Variants in CMYA5 observed in about 807,000 individuals in gnomAD.
The protein encoded by CMYA5 is cardiomyopathy associated 5.
In CMYA5, 246 loss-of-function variants were observed where a neutral mutation model predicts 318.9. That is an observed-to-expected ratio of 0.77 (90% confidence interval 0.70 to 0.86). The LOEUF (loss-of-function observed/expected upper bound fraction) is 0.86. CMYA5 is among the 40% of genes least tolerant of loss of function. The pLI, the probability that CMYA5 is intolerant of heterozygous loss-of-function variation, is 0.00. For missense variants in CMYA5, 4,589 were observed against 4,678.2 expected (o/e 0.98, Z 0.56); for synonymous variants, 1,641 against 1,729.5 (o/e 0.95, Z 1.27).
rs775923878 is a variant in CMYA5 at position 79,736,279 on chromosome 5, T to C, written c.7514T>C (p.Leu2505Pro). The C allele has an allele frequency of 1.2e-5, 20 of 1,613,054 alleles. No homozygotes were observed. Among genetic ancestry groups the C allele is most frequent in the South Asian group, 1.2e-4 (11 of 90,954 alleles). The change falls in exon 2 of 13, where the codon CTG (leucine) becomes CCG (proline). Residue 2505 changes from leucine to proline, a missense_variant. Leu to Pro is a moderately conservative substitution (Grantham distance 98). Transcript: ENST00000446378. ...QITLGSRSTELKESKADAMPQ... is the reference protein window; with the variant it reads ...QITLGSRSTEPKESKADAMPQ... Reference sequence around the variant, plus strand: ...ACACTTGGATCTAGATCTACTGAACTGAAAGAATCAAAAGCCGATGCTATG... The same window carrying C: ...ACACTTGGATCTAGATCTACTGAACCGAAAGAATCAAAAGCCGATGCTATG...
chr5:79,778,817 G>GTGTGTGTGTGTGTGTGTA (rs1828994803), intron 9 of CMYA5, among the ~76,000 whole-genome samples: 3 of 112,892 alleles, frequency 2.7e-5, no homozygotes, highest in African/African-American at 1.3e-4. Context: ...CTTTCTGTGT[G>GTGTGTGTGTGTGTGTGTA]TGTGTGTGTG....
intron 1 of CMYA5, among the ~76,000 whole-genome samples, chr5:79,699,551 CTAGAAAG>C (rs1175815861): frequency 6.6e-6 from 1 of 152,100 alleles, no homozygotes; most frequent in Non-Finnish European, 1.5e-5. Context: ...GAAGAGGACA[CTAGAAAG>C]TAGAAAGAGG....
chr5:79,733,623 T>C lies in CMYA5; in HGVS notation c.4858T>C (p.Leu1620=). The change falls in exon 2 of 13, where the codon TTG becomes CTG. Residue 1620 remains leucine (L), a synonymous_variant. Transcript: ENST00000446378. ...KQDVALAELS[L]EPEKKDKPHQ... ...AGATGTTGCTTTGGCAGAGCTGTCTTTGGAACCTGAGAAGAAAGACAAGCC... is the reference window on the plus strand; with the variant it reads ...AGATGTTGCTTTGGCAGAGCTGTCTCTGGAACCTGAGAAGAAAGACAAGCC... 1 of 1,613,394 alleles carries C rather than the reference T, an allele frequency of 6.2e-7. No homozygotes were observed. The highest frequency in any genetic ancestry group is 8.5e-7 in the Non-Finnish European group (1 of 1,179,724).
chr5:79,720,996 T>C (rs1324307225), intron 1 of CMYA5, among the ~76,000 whole-genome samples: 1 of 151,994 alleles, frequency 6.6e-6, no homozygotes, highest in African/African-American at 2.4e-5. Context: ...AACATTTAGA[T>C]TGAAAATACA....
In CMYA5 at chr5:79,771,777, G is replaced by T. The variant is rs537737581; in HGVS notation, c.11555+8568G>T. Among the ~76,000 whole-genome samples the T allele has an allele frequency of 3.4e-4, 52 of 152,310 alleles. 1 individual carries two copies. The highest frequency in any genetic ancestry group is 1.2e-3 in the African/African-American group (48 of 41,564). ...TCTGGCCAAAGTATGAAATGATGGAGTGAGGGTATGGAGTCAGGATTCAAA... is the reference window on the plus strand; with the variant it reads ...TCTGGCCAAAGTATGAAATGATGGATTGAGGGTATGGAGTCAGGATTCAAA... On this transcript the variant is annotated intron_variant, in intron 9 of 12. Transcript: ENST00000446378.
At chr5:79,754,649 AT>A (rs140604323) in intron 6 of CMYA5, among the ~76,000 whole-genome samples, 20,404 of 149,944 alleles carry the variant, frequency 0.14, 1,440 homozygotes, top group African/African-American at 0.17. Context: ...GCACCTGGGG[AT>A]TTTTTTTTTA....
rs183727430 is a variant in CMYA5, at chr5:79,715,835, T to C, written c.150-13080T>C. ...CTCATAGACATTTTTGCAGTAGATA[T>C]AATATGACTTATCACTCACTGGTAA... On this transcript the variant is annotated intron_variant, in intron 1 of 12. Transcript: ENST00000446378. Among the ~76,000 whole-genome samples, 42 of 152,366 alleles carry C rather than the reference T, an allele frequency of 2.8e-4. No individual in the cohort carries two copies. The East Asian group carries it at 7.9e-3, about 29-fold the overall frequency.
At chr5:79,724,141 T>G (rs6453477) in intron 1 of CMYA5, among the ~76,000 whole-genome samples, 5 of 151,122 alleles carry the variant, frequency 3.3e-5, no homozygotes, top group Admixed American at 3.3e-4. Context: ...AACATGGTGA[T>G]ACCCCATCTC....
rs780282549 is a variant in CMYA5, at chr5:79,729,156, G to T, written c.391G>T (p.Val131Phe). Residue 131 changes from valine to phenylalanine, a missense_variant, in exon 2 of 13, where the codon GTT (valine) becomes TTT (phenylalanine). Coordinates refer to ENST00000446378, the MANE Select transcript of CMYA5 (RefSeq NM_153610.5). ...VSFIVDEVKK[V>F]RKRTHKSKHG... is the part of the protein sequence containing the mutation. ...CTTTATTGTGGATGAAGTGAAAAAG[G>T]TTCGGAAAAGGACTCATAAGTCAAA... 1.9e-5 allele frequency: 31 copies of T among 1,612,644 alleles called. No individual in the cohort carries two copies. The highest frequency in any genetic ancestry group is 2.5e-5 in the Non-Finnish European group (30 of 1,179,422).
chr5:79,794,986 A>G (rs548453643), intron 12 of CMYA5, among the ~76,000 whole-genome samples: 4 of 152,230 alleles, frequency 2.6e-5, no homozygotes, highest in Non-Finnish European at 4.4e-5. Flanking sequence ...TAGTAGATTC[A>G]GAGCTGAAAC....
Position 79,738,582 on chromosome 5 carries a change from T to C in CMYA5, c.9817T>C (p.Tyr3273His), listed in dbSNP as rs765000264. The C allele has an allele frequency of 1.2e-6, 2 of 1,613,544 alleles. No individual in the cohort carries two copies. Among genetic ancestry groups the C allele is most frequent in the African/African-American group, 2.7e-5 (2 of 74,904 alleles). ...EEKRVGKDDS[Y>H]QPIAAEGEIW... ...AAAACGAGTTGGTAAGGATGATTCA[T>C]ACCAACCGATAGCTGCAGAAGGGGA... Residue 3273 changes from tyrosine to histidine, a missense_variant, in exon 2 of 13, where the codon TAC becomes CAC. By Grantham distance (83) the Tyr-to-His change is moderately conservative. Coordinates refer to ENST00000446378, the MANE Select transcript of CMYA5 (RefSeq NM_153610.5).
chr5:79,739,458 G>T, intron 2 of CMYA5, 55 bp downstream of exon 2: 4 of 1,237,496 alleles, frequency 3.2e-6, no homozygotes, highest in East Asian at 2.8e-5. Flanking sequence ...CATTTAATTT[G>T]CTTTTACATT....
Position 79,739,334 on chromosome 5 carries a change from T to C in CMYA5, c.10569T>C (p.Thr3523=), listed in dbSNP as rs1287204897. The C allele has an allele frequency of 1.3e-6, 2 of 1,577,328 alleles. No individual in the cohort carries two copies. Among genetic ancestry groups the C allele is most frequent in the South Asian group, 2.3e-5 (2 of 85,816 alleles). Residue 3523 remains threonine, a synonymous_variant, in exon 2 of 13, where the codon ACT becomes ACC. Coordinates refer to ENST00000446378, the MANE Select transcript of CMYA5 (RefSeq NM_153610.5). ...CCTGCAAATGTCCAATTTCTGCCAC[T>C]GACAAGGTGTTTGGCACCCACAAAG... is the stretch of plus-strand genomic sequence containing the variant. ...CYTCKCPISA[T]DKVFGTHKDH...
At chr5:79,788,212 CT>C (rs35939521) in intron 9 of CMYA5, among the ~76,000 whole-genome samples, 27,940 of 141,820 alleles carry the variant, frequency 0.2, 2,589 homozygotes, top group South Asian at 0.22. Context: ...GCCCTGCTTG[CT>C]TTTTTTTTTT....
chr5:79,791,031 G>T lies in CMYA5; in HGVS notation c.11751G>T (p.Gly3917=). ...AHPALHISSS[G]TVISFGERRR... is the part of the protein sequence containing the mutation. Reference sequence around the variant, plus strand: ...CTGCTCTACACATTTCCTCAAGTGGGACAGTGATCAGCTTTGGTGAGAGGA... The same window carrying T: ...CTGCTCTACACATTTCCTCAAGTGGTACAGTGATCAGCTTTGGTGAGAGGA... Residue 3917 remains glycine, a synonymous_variant, in exon 11 of 13, where the codon GGG becomes GGT. Coordinates refer to ENST00000446378, the MANE Select transcript of CMYA5 (RefSeq NM_153610.5). The T allele has an allele frequency of 6.2e-7, 1 of 1,613,874 alleles. No homozygotes were observed. Among genetic ancestry groups the T allele is most frequent in the Non-Finnish European group, 8.5e-7 (1 of 1,179,824 alleles).
chr5:79,735,860 GC>G lies in CMYA5; in HGVS notation c.7097del (p.Pro2366GlnfsTer15). ...GGAATATTTCTATTTTTAAGGAAGA[GC>G]CAAGAAGTGATCAAAAACAAAAATC... ...KWNISIFKEE[P>X]RSDQKQKSLL... is the part of the protein sequence containing the mutation. On this transcript the variant is annotated frameshift_variant, in exon 2 of 13. Coordinates refer to ENST00000446378, the MANE Select transcript of CMYA5 (RefSeq NM_153610.5). LOFTEE classifies it high-confidence loss of function. The G allele has an allele frequency of 6.4e-7, 1 of 1,573,200 alleles. No individual in the cohort carries two copies. The highest frequency in any genetic ancestry group is 2.2e-5 in the East Asian group (1 of 44,706).
Position 79,730,450 on chromosome 5 carries a change from T to G in CMYA5, c.1685T>G (p.Leu562Arg). The change falls in exon 2 of 13, where the codon CTT becomes CGT. Residue 562 changes from leucine to arginine, a missense_variant. Around this residue, in one of 3 missense-constraint regions of CMYA5, gnomAD observed 2,132 missense variants for 2,131.3 expected, o/e 1.00. Transcript: ENST00000446378. ...GAAGTGGAGCACAAAGAAGAAGAGC[T>G]TATTCTACCATTATTGGCAGCATCA... ...SPEVEHKEEE[L>R]ILPLLAASSP... The G allele has an allele frequency of 6.2e-7, 1 of 1,613,892 alleles. No homozygotes were observed.
intron 9 of CMYA5, 104 bp downstream of exon 9, chr5:79,763,313 T>TA (rs770462690): frequency 9.5e-7 from 1 of 1,048,466 alleles, no homozygotes; most frequent in Non-Finnish European, 1.3e-6. Context: ...AAATGCCGTC[T>TA]AAAATCCTGC....
intron 1 of CMYA5, among the ~76,000 whole-genome samples, chr5:79,722,724 A>T (rs2151081948): frequency 6.6e-6 from 1 of 151,460 alleles, no homozygotes; most frequent in African/African-American, 2.4e-5. Context: ...TAGTATAAAT[A>T]TTAAATAAAA....
Sources: gnomAD v4.1 joint callset for allele counts (sites outside exome capture counted in the v4.1 genomes callset) on GRCh38, gnomAD v4.1.1 for gene constraint, gnomAD v4.1.1 regional missense constraint, MANE v1.5 for transcripts, NCBI Gene and HGNC (gene_info 2026-07-23, HGNC 2026-07-21) for gene names.